The following RASAL2 variants were observed in gnomAD, a reference collection of about 807,000 sequenced individuals.
RASAL2 encodes RAS protein activator like 2, also known as ras GTPase-activating protein nGAP.
In RASAL2, 58 loss-of-function variants were observed where a neutral mutation model predicts 128.9. The ratio of observed to expected loss-of-function variants is 0.45; its 90% CI spans 0.36 to 0.56. RASAL2 has a LOEUF of 0.56. Among genes scored for constraint, RASAL2 ranks in the 20% least tolerant of loss-of-function variants. The pLI, the probability that RASAL2 is intolerant of heterozygous loss-of-function variation, is 0.00. For synonymous variants in RASAL2, 561 were observed against 580.8 expected, an observed-to-expected ratio of 0.97 and a Z score of 0.49; for missense variants, 1,360 against 1,601.6, an observed-to-expected ratio of 0.85 and a Z score of 2.57.
chr1:178,427,520 T>C (rs1039764370), intron 5 of RASAL2, among the ~76,000 whole-genome samples: 2 of 152,284 alleles, frequency 1.3e-5, no homozygotes, highest in African/African-American at 2.4e-5. Context: ...TGGTGTTCAT[T>C]GGTAGGTGGA....
intron 1 of RASAL2, among the ~76,000 whole-genome samples, chr1:178,128,767 A>G (rs534421875): frequency 6.6e-6 from 1 of 152,220 alleles, no homozygotes; most frequent in Non-Finnish European, 1.5e-5. Context: ...GGACATTTCA[A>G]TACATAGAAT....
At chr1:178,360,434 G>T (rs1433400916) in intron 3 of RASAL2, among the ~76,000 whole-genome samples, 3 of 152,180 alleles carry the variant, frequency 2.0e-5, no homozygotes, top group African/African-American at 4.8e-5. Context: ...CAGGTAGAAG[G>T]GTGCAAACTC....
At chr1:178,341,987 C>G (rs1669907087) in intron 3 of RASAL2, among the ~76,000 whole-genome samples, 2 of 152,148 alleles carry the variant, frequency 1.3e-5, no homozygotes, top group Non-Finnish European at 2.9e-5. Context: ...GCTCATTTCT[C>G]TCTGAGTGAG....
chr1:178,241,075 A>C (rs1664475732), intron 1 of RASAL2, among the ~76,000 whole-genome samples: 3 of 152,054 alleles, frequency 2.0e-5, no homozygotes, highest in Admixed American at 2.0e-4. Context: ...GAGGAAAATG[A>C]TTTATAAATA....
At chr1:178,233,671 G>A (rs1329033133) in intron 1 of RASAL2, among the ~76,000 whole-genome samples, 1 of 152,106 alleles carries the variant, frequency 6.6e-6, no homozygotes, top group Non-Finnish European at 1.5e-5. Context: ...GTCAACAGCC[G>A]ATCACTTCGA....
At chr1:178,439,658 G>A (rs1306024651) in intron 6 of RASAL2, 83 bp downstream of exon 6, 3 of 1,286,454 alleles carry the variant, frequency 2.3e-6, no homozygotes, top group Admixed American at 2.3e-5. Flanking sequence ...TTTCATTGCT[G>A]TACAGTTGAT....
intron 1 of RASAL2, among the ~76,000 whole-genome samples, chr1:178,258,805 A>G (rs368285770): frequency 6.6e-6 from 1 of 152,240 alleles, no homozygotes; most frequent in South Asian, 2.1e-4. Flanking sequence ...AAATTCATAC[A>G]TGAATGTTTA....
At chr1:178,250,583 A>C (rs1042929065) in intron 1 of RASAL2, among the ~76,000 whole-genome samples, 2 of 152,008 alleles carry the variant, frequency 1.3e-5, no homozygotes, top group African/African-American at 4.8e-5. Flanking sequence ...GAGAGTAAAC[A>C]GTGCTGTCTT....
rs139315905 is a variant in RASAL2, at chr1:178,135,254, T to G, written c.202+40560T>G. Among the ~76,000 whole-genome samples, 1,267 of 152,308 alleles carry G rather than the reference T, an allele frequency of 8.3e-3. 14 individuals carry two copies. Among genetic ancestry groups the G allele is most frequent in the Middle Eastern group, 0.017 (5 of 294 alleles). ...ATGGTTAATGCAGGACCCTCAGTTC[T>G]TTAAGGATGGACTAAATATGTGTTA... On this transcript the variant is annotated intron_variant, in intron 1 of 17. Transcript: ENST00000367649.
At chr1:178,104,741 T>G (rs1571477847) in intron 1 of RASAL2, among the ~76,000 whole-genome samples, 1 of 152,202 alleles carries the variant, frequency 6.6e-6, no homozygotes, top group East Asian at 1.9e-4. Flanking sequence ...TTAAATGCCT[T>G]GAGTCTTTAT....
At chr1:178,277,263 A>G (rs1460241816) in intron 1 of RASAL2, among the ~76,000 whole-genome samples, 2 of 152,076 alleles carry the variant, frequency 1.3e-5, no homozygotes, top group East Asian at 1.9e-4. Flanking sequence ...AAAAAATGCA[A>G]TCCTCCCACC....
chr1:178,203,861 C>A (rs1662955167), intron 1 of RASAL2, among the ~76,000 whole-genome samples: 1 of 152,168 alleles, frequency 6.6e-6, no homozygotes, highest in Non-Finnish European at 1.5e-5. Context: ...TTACCATACT[C>A]TGTGATTAAG....
intron 3 of RASAL2, among the ~76,000 whole-genome samples, chr1:178,371,553 G>GGGGGGAGGAAT (rs374899009): frequency 1.3e-3 from 203 of 152,132 alleles, no homozygotes; most frequent in African/African-American, 4.7e-3. Flanking sequence ...CATGCGAGGT[G>GGGGGGAGGAAT]GGGGGAGGAA....
intron 3 of RASAL2, among the ~76,000 whole-genome samples, chr1:178,319,277 G>A (rs1431192106): frequency 6.6e-6 from 1 of 151,924 alleles, no homozygotes; most frequent in African/African-American, 2.4e-5. Flanking sequence ...GTGTCTTGGA[G>A]TTGCTCTTCT....
chr1:178,124,316 T>C (rs530122553), intron 1 of RASAL2, among the ~76,000 whole-genome samples: 1 of 152,190 alleles, frequency 6.6e-6, no homozygotes, highest in African/African-American at 2.4e-5. Context: ...TTTTTGGTTG[T>C]CACAACTGGA....
At chr1:178,327,840 G>A (rs1395967810) in intron 3 of RASAL2, among the ~76,000 whole-genome samples, 1 of 152,086 alleles carries the variant, frequency 6.6e-6, no homozygotes, top group East Asian at 1.9e-4. Flanking sequence ...CTAATCCAAT[G>A]ACAAATTTCC....
chr1:178,102,213 T>C (rs1188313671), intron 1 of RASAL2, among the ~76,000 whole-genome samples: 3 of 152,206 alleles, frequency 2.0e-5, no homozygotes, highest in African/African-American at 7.2e-5. Flanking sequence ...ATACCCTTTT[T>C]CTGATTATGA....
intron 1 of RASAL2, among the ~76,000 whole-genome samples, chr1:178,122,725 T>C (rs1659760934): frequency 1.3e-5 from 2 of 152,294 alleles, no homozygotes; most frequent in South Asian, 4.1e-4. Flanking sequence ...TATATAAAAT[T>C]ATAGCTGGGA....
At chr1:178,387,518 T>C (rs1464693199) in intron 3 of RASAL2, among the ~76,000 whole-genome samples, 1 of 151,878 alleles carries the variant, frequency 6.6e-6, no homozygotes, top group African/African-American at 2.4e-5. Context: ...ATGTTATCCT[T>C]CCCCCCTCCC....
Sources: allele counts gnomAD v4.1 joint callset (sites outside exome capture counted in the v4.1 genomes callset), GRCh38; gene constraint gnomAD v4.1.1; transcripts MANE v1.5; gene names NCBI Gene and HGNC (gene_info 2026-07-23, HGNC 2026-07-21).